The following MIGA1 variants were observed in gnomAD, a reference collection of about 807,000 sequenced individuals.
MIGA1 encodes mitoguardin 1.
MIGA1 carries 58 observed loss-of-function variants against 82.0 expected under a neutral mutation model. The ratio of observed to expected loss-of-function variants is 0.71; its 90% CI spans 0.57 to 0.88. The LOEUF (loss-of-function observed/expected upper bound fraction) is 0.88. Ranked by LOEUF, MIGA1 falls within the 40% of genes least tolerant of loss-of-function variation. MIGA1 has a pLI of 0.00. For synonymous variants in MIGA1, 249 were observed against 253.6 expected, an observed-to-expected ratio of 0.98 and a Z score of 0.17; for missense variants, 751 against 749.1, an observed-to-expected ratio of 1.00 and a Z score of -0.03.
chr1:77,783,647 A>G (rs1682018648), intron 2 of MIGA1, among the ~76,000 whole-genome samples: 1 of 152,224 alleles, frequency 6.6e-6, no homozygotes, highest in African/African-American at 2.4e-5. Context: ...TGTTCTCACT[A>G]TTAACAATCC....
chr1:77,867,373 G>A (rs558354295), intron 14 of MIGA1, among the ~76,000 whole-genome samples: 2 of 152,324 alleles, frequency 1.3e-5, no homozygotes, highest in East Asian at 1.9e-4. Context: ...CATTCAGGCT[G>A]GAGTGCCGTG....
chr1:77,813,446 A>T (rs1489039019), intron 5 of MIGA1, among the ~76,000 whole-genome samples: 1 of 152,192 alleles, frequency 6.6e-6, no homozygotes, highest in East Asian at 1.9e-4. Flanking sequence ...CTTCTGATGA[A>T]TTCATTATAT....
chr1:77,779,754 G>T lies in MIGA1; in HGVS notation c.81+18G>T. The T allele has an allele frequency of 6.5e-7, 1 of 1,549,034 alleles. No homozygotes were observed. ...AGCTCCAGGTACAGGGCCAGGGGCG[G>T]GGTGGGGTGGAGAGGCGGGCGGGAG... is the stretch of plus-strand genomic sequence containing the variant. On this transcript the variant is annotated intron_variant, in intron 1 of 15. Coordinates refer to ENST00000370791, the MANE Select transcript of MIGA1 (RefSeq NM_198549.4).
chr1:77,840,631 G>C (rs929409798), intron 7 of MIGA1, among the ~76,000 whole-genome samples: 1 of 152,074 alleles, frequency 6.6e-6, no homozygotes, highest in Admixed American at 6.5e-5. Flanking sequence ...TGACCAACAT[G>C]CAGAAACCCC....
intron 7 of MIGA1, among the ~76,000 whole-genome samples, chr1:77,841,858 G>T (rs1684642614): frequency 6.7e-6 from 1 of 149,216 alleles, no homozygotes; most frequent in Admixed American, 6.7e-5. Flanking sequence ...GAGTGCAGTG[G>T]TGCAGTCATA....
intron 12 of MIGA1, among the ~76,000 whole-genome samples, chr1:77,863,623 C>T (rs751863027): frequency 2.6e-5 from 4 of 152,026 alleles, no homozygotes; most frequent in Non-Finnish European, 5.9e-5. Flanking sequence ...AATGAGCATC[C>T]TGGATGTTAT....
intron 7 of MIGA1, among the ~76,000 whole-genome samples, chr1:77,817,830 G>A (rs1683629673): frequency 1.3e-5 from 2 of 152,124 alleles, no homozygotes; most frequent in Non-Finnish European, 2.9e-5. Context: ...GAGGCTCGGG[G>A]CGAATGTAAA....
At chr1:77,792,224 G>T (rs948593720) in intron 2 of MIGA1, among the ~76,000 whole-genome samples, 1 of 152,210 alleles carries the variant, frequency 6.6e-6, no homozygotes, top group Admixed American at 6.5e-5. Flanking sequence ...ACAGGATGCA[G>T]GTTCCTATGT....
At chr1:77,803,895 GTAAC>G (rs1682986970) in intron 4 of MIGA1, among the ~76,000 whole-genome samples, 1 of 152,016 alleles carries the variant, frequency 6.6e-6, no homozygotes, top group Non-Finnish European at 1.5e-5. Context: ...ACATTAAAAA[GTAAC>G]TAAAAGATTA....
intron 8 of MIGA1, chr1:77,848,306 CAAGA>C (rs894443810): frequency 3.1e-5 from 40 of 1,304,970 alleles, no homozygotes; most frequent in Non-Finnish European, 3.2e-6. Context: ...CCAAAGAGAA[CAAGA>C]AAGAGAGACA....
At chr1:77,841,770 TCC>T (rs1175918294) in intron 7 of MIGA1, among the ~76,000 whole-genome samples, 2 of 151,448 alleles carry the variant, frequency 1.3e-5, no homozygotes, top group Non-Finnish European at 2.9e-5. Flanking sequence ...TTCCTTTCTC[TCC>T]CTCTCTCTCT....
chr1:77,870,167 G>A (rs1372663362), intron 14 of MIGA1, among the ~76,000 whole-genome samples: 858 of 109,480 alleles, frequency 7.8e-3, no homozygotes, highest in African/African-American at 0.024. Flanking sequence ...AGGGGCGGCC[G>A]GGCAGAGGAG....
chr1:77,861,138 G>T, intron 11 of MIGA1, 86 bp from the exon 12 acceptor site: 2 of 825,282 alleles, frequency 2.4e-6, no homozygotes, highest in East Asian at 5.2e-5. Flanking sequence ...GTAGAATTAA[G>T]ATCTACCAGA....
At chr1:77,849,412 T>A (rs1428791728) in intron 8 of MIGA1, among the ~76,000 whole-genome samples, 2 of 152,188 alleles carry the variant, frequency 1.3e-5, no homozygotes, top group South Asian at 2.1e-4. Flanking sequence ...AACCTTTTTT[T>A]AAATAAATAA....
chr1:77,798,864 A>G lies in MIGA1; in HGVS notation c.196-2467A>G, dbSNP rs143613980. Among the ~76,000 whole-genome samples the G allele has an allele frequency of 3.7e-3, 568 of 152,314 alleles. 9 individuals are homozygous for G. The highest frequency in any genetic ancestry group is 0.031 in the South Asian group (152 of 4,826). ...AGGTGGACATGAATCATTCTGGGAC[A>G]CTATTCAACCTACTACACCTTCTAT... On this transcript the variant is annotated intron_variant, in intron 2 of 15. Transcript: ENST00000370791.
chr1:77,790,141 G>A (rs754911855), intron 2 of MIGA1, among the ~76,000 whole-genome samples: 2 of 152,178 alleles, frequency 1.3e-5, no homozygotes, highest in Non-Finnish European at 2.9e-5. Context: ...GAAATTGACA[G>A]TGACAATGTA....
intron 2 of MIGA1, among the ~76,000 whole-genome samples, chr1:77,792,686 ATCT>A (rs1445670147): frequency 2.0e-5 from 3 of 151,866 alleles, no homozygotes; most frequent in Non-Finnish European, 4.4e-5. Context: ...GATGTTGAAC[ATCT>A]TCTTGGGTTT....
Position 77,875,177 on chromosome 1 carries a change from G to GA in MIGA1, c.*122dup, listed in dbSNP as rs1023813970. ...AATTGATGCATGTGGATTCAGGGAG[G>GA]AAAAAAAAATCTACTAAAAAATGAG... is the stretch of plus-strand genomic sequence containing the variant. On this transcript the variant is annotated 3_prime_UTR_variant, in exon 16 of 16. Coordinates refer to ENST00000370791, the MANE Select transcript of MIGA1 (RefSeq NM_198549.4). 3.4e-4 allele frequency: 276 copies of GA among 822,914 alleles called. No individual in the cohort carries two copies. The highest frequency in any genetic ancestry group is 7.3e-4 in the Middle Eastern group (2 of 2,756). The allele number at this position is 822,914 out of a possible 1,614,324, so 51.0% of individuals were successfully genotyped here.
chr1:77,853,068 G>A (rs574142599), intron 8 of MIGA1, among the ~76,000 whole-genome samples: 1 of 152,282 alleles, frequency 6.6e-6, no homozygotes, highest in African/African-American at 2.4e-5. Context: ...GCACAGCACT[G>A]GCTGCATGTG....
Sources: gnomAD v4.1 joint callset for allele counts (sites outside exome capture counted in the v4.1 genomes callset) on GRCh38, gnomAD v4.1.1 for gene constraint, MANE v1.5 for transcripts, NCBI Gene and HGNC (gene_info 2026-07-23, HGNC 2026-07-21) for gene names.